PRKCB: variants seen among roughly 807,000 people sequenced by gnomAD.
PRKCB encodes the protein protein kinase C beta type.
A neutral mutation model predicts 81.5 loss-of-function variants in PRKCB; 13 were observed. The ratio of observed to expected loss-of-function variants is 0.16; its 90% CI spans 0.10 to 0.25. The LOEUF is 0.25. Among genes scored for constraint, PRKCB ranks in the 10% least tolerant of loss-of-function variants. The pLI, the probability that PRKCB is intolerant of heterozygous loss-of-function variation, is 1.00. For synonymous variants in PRKCB, 335 were observed against 321.4 expected, an observed-to-expected ratio of 1.04 and a Z score of -0.45; for missense variants, 509 against 875.7, an observed-to-expected ratio of 0.58 and a Z score of 5.29.
At chr16:23,910,646 A>T (rs1033696515) in intron 2 of PRKCB, among the ~76,000 whole-genome samples, 3 of 150,828 alleles carry the variant, frequency 2.0e-5, no homozygotes, top group Non-Finnish European at 4.5e-5. Context: ...TTTAAAAATA[A>T]TGTTTTAATT....
At chr16:24,139,570 A>T (rs535998046) in intron 9 of PRKCB, among the ~76,000 whole-genome samples, 2 of 152,318 alleles carry the variant, frequency 1.3e-5, no homozygotes, top group East Asian at 3.9e-4. Context: ...ATGCACCTTC[A>T]TTCTAAACTT....
At chr16:24,024,386 T>C (rs2141848894) in intron 3 of PRKCB, among the ~76,000 whole-genome samples, 1 of 152,300 alleles carries the variant, frequency 6.6e-6, no homozygotes, top group East Asian at 1.9e-4. Context: ...ATAGGAGGAA[T>C]TGCCTTTGAG....
intron 2 of PRKCB, among the ~76,000 whole-genome samples, chr16:23,840,878 A>G (rs1962251650): frequency 6.6e-6 from 1 of 152,148 alleles, no homozygotes; most frequent in East Asian, 1.9e-4. Context: ...TGACTGCCTC[A>G]TAATTTCTCC....
At chr16:24,184,968 A>T (rs66639742) in intron 13 of PRKCB, 143 bp from the exon 14 acceptor site, 75,955 of 730,278 alleles carry the variant, frequency 0.1, 4,792 homozygotes, top group African/African-American at 0.21. Flanking sequence ...GCCTCTGCAA[A>T]GCATGTCTGT....
At chr16:24,126,926 G>A (rs1303988995) in intron 9 of PRKCB, among the ~76,000 whole-genome samples, 2 of 151,854 alleles carry the variant, frequency 1.3e-5, no homozygotes, top group African/African-American at 4.8e-5. Flanking sequence ...TCCTGCCGTG[G>A]CCTCAGAAAG....
At chr16:24,208,253 G>C (rs796908846) in intron 16 of PRKCB, 1 of 152,422 alleles carries the variant, frequency 6.6e-6, no homozygotes, top group Non-Finnish European at 1.5e-5. Flanking sequence ...ACCTGGGTAA[G>C]AGAGCAAGAC....
At chr16:23,887,645 A>G (rs1963225143) in intron 2 of PRKCB, among the ~76,000 whole-genome samples, 1 of 152,198 alleles carries the variant, frequency 6.6e-6, no homozygotes, top group Non-Finnish European at 1.5e-5. Context: ...ATGGACAGTG[A>G]TGCAATAAAC....
intron 8 of PRKCB, among the ~76,000 whole-genome samples, chr16:24,119,372 A>T (rs1331726392): frequency 6.6e-6 from 1 of 152,074 alleles, no homozygotes. Flanking sequence ...TTATCTGTCC[A>T]CTACGCAAAG....
chr16:24,017,528 A>ATG (rs745766645), intron 3 of PRKCB, among the ~76,000 whole-genome samples: 3 of 152,204 alleles, frequency 2.0e-5, no homozygotes, highest in Non-Finnish European at 4.4e-5. Context: ...AGACACGCAC[A>ATG]TGCGTTATAC....
chr16:24,022,640 T>C (rs1011702088), intron 3 of PRKCB, among the ~76,000 whole-genome samples: 3 of 152,074 alleles, frequency 2.0e-5, no homozygotes, highest in African/African-American at 7.2e-5. Context: ...TAGAGGTGCA[T>C]GCCGCCACGC....
At chr16:24,214,051 C>T (rs143085473) in intron 16 of PRKCB, among the ~76,000 whole-genome samples, 145 of 152,328 alleles carry the variant, frequency 9.5e-4, no homozygotes, top group Non-Finnish European at 1.7e-3. Context: ...CCAGGGGCCT[C>T]GTGGTTGCCC....
intron 10 of PRKCB, among the ~76,000 whole-genome samples, chr16:24,157,301 T>C (rs1967175616): frequency 6.6e-6 from 1 of 152,154 alleles, no homozygotes; most frequent in Non-Finnish European, 1.5e-5. Flanking sequence ...AATCTCATCT[T>C]GAATTGTAGT....
At chr16:23,990,102 G>C (rs1456304230) in intron 3 of PRKCB, among the ~76,000 whole-genome samples, 1 of 152,186 alleles carries the variant, frequency 6.6e-6, no homozygotes, top group African/African-American at 2.4e-5. Flanking sequence ...CCATGATGAT[G>C]CTGATGAGCT....
intron 10 of PRKCB, among the ~76,000 whole-genome samples, chr16:24,167,312 G>A (rs975622949): frequency 6.6e-6 from 1 of 152,090 alleles, no homozygotes; most frequent in Admixed American, 6.6e-5. Flanking sequence ...CATGTTGAGA[G>A]GGTGAAGCAG....
chr16:23,978,405 C>T (rs938586583), intron 2 of PRKCB, among the ~76,000 whole-genome samples: 3 of 152,140 alleles, frequency 2.0e-5, no homozygotes, highest in Admixed American at 1.3e-4. Flanking sequence ...AGTGAACTGT[C>T]GTCTGTCCTG....
At position 24,217,008 on chromosome 16, in the gene PRKCB, TA is replaced by T; in HGVS notation, c.*2197del. The T allele has an allele frequency of 1.0e-6, 1 of 984,098 alleles. No individual in the cohort carries two copies. The highest frequency in any genetic ancestry group is 1.2e-6 in the Non-Finnish European group (1 of 829,708). 61.0% of individuals were successfully genotyped at this position (984,098 alleles called of 1,614,324 possible). On this transcript the variant is annotated 3_prime_UTR_variant, in exon 17 of 17. Transcript: ENST00000643927. ...TTGCTTGGACATGCTCTCAGGAAGA[TA>T]AAAACCATGGAGAAACACTAGGCCA...
In PRKCB at chr16:24,218,056, G is replaced by A. The variant is rs1159788060; in HGVS notation, c.*3240G>A. ...CACAAATAATTACAAACAACCTACT[G>A]TGTGCCAGGCACTATTCTTAGCACT... On this transcript the variant is annotated 3_prime_UTR_variant, in exon 17 of 17. Transcript: ENST00000643927. The A allele has an allele frequency of 1.4e-5, 14 of 985,050 alleles. No individual in the cohort carries two copies. The highest frequency in any genetic ancestry group is 1.6e-5 in the Non-Finnish European group (13 of 829,810). 61.0% of individuals were successfully genotyped at this position (985,050 alleles called of 1,614,324 possible).
chr16:24,099,083 A>C lies in PRKCB; in HGVS notation c.821+4786A>C, dbSNP rs147642178. The C allele has an allele frequency of 3.9e-5, 6 of 152,334 alleles. No homozygotes were observed. The East Asian group carries it at 1.2e-3, about 29-fold the overall frequency. 9.4% of individuals were successfully genotyped at this position (152,334 alleles called of 1,614,324 possible). On this transcript the variant is annotated intron_variant, in intron 7 of 16. Coordinates refer to ENST00000643927, the MANE Select transcript of PRKCB (RefSeq NM_002738.7). ...AGGGGGTATCAGTGTGACAGGAGGA[A>C]ACATAATAATAATAATTATAATAAC...
At chr16:24,016,275 G>A (rs1250309763) in intron 3 of PRKCB, among the ~76,000 whole-genome samples, 1 of 152,148 alleles carries the variant, frequency 6.6e-6, no homozygotes. Flanking sequence ...CACCACGGCT[G>A]TGAGTTTCAC....
Sources: gnomAD v4.1 joint callset for allele counts (sites outside exome capture counted in the v4.1 genomes callset) on GRCh38, gnomAD v4.1.1 for gene constraint, MANE v1.5 for transcripts, NCBI Gene and HGNC (gene_info 2026-07-23, HGNC 2026-07-21) for gene names.